The following AATF variants were observed in gnomAD, a reference collection of about 807,000 sequenced individuals.
The protein encoded by AATF is protein AATF.
Under a neutral mutation model 63.7 loss-of-function variants are expected in AATF, and 48 were observed. The ratio of observed to expected loss-of-function variants is 0.75; its 90% CI spans 0.60 to 0.96. The LOEUF (loss-of-function observed/expected upper bound fraction) is 0.96. Ranked by LOEUF, AATF falls within the 40% of genes least tolerant of loss-of-function variation. The probability of loss-of-function intolerance (pLI) is 0.00; values close to 1 mark genes in which losing one functional copy is unlikely to be tolerated. For synonymous variants in AATF, 258 were observed against 247.7 expected, an observed-to-expected ratio of 1.04 and a Z score of -0.39; for missense variants, 639 against 685.7, an observed-to-expected ratio of 0.93 and a Z score of 0.76.
intron 4 of AATF, among the ~76,000 whole-genome samples, chr17:36,967,337 T>C (rs2070999075): frequency 6.6e-6 from 1 of 152,222 alleles, no homozygotes; most frequent in Admixed American, 6.5e-5. Context: ...ACTATGATTA[T>C]TTTCCTTTCC....
intron 8 of AATF, among the ~76,000 whole-genome samples, chr17:37,004,682 T>C (rs2071328906): frequency 6.6e-6 from 1 of 152,086 alleles, no homozygotes; most frequent in South Asian, 2.1e-4. Flanking sequence ...GTATTTCTTA[T>C]GAATGAAGGA....
chr17:37,043,410 C>G (rs1312188550), intron 11 of AATF, among the ~76,000 whole-genome samples: 1 of 152,126 alleles, frequency 6.6e-6, no homozygotes, highest in Non-Finnish European at 1.5e-5. Flanking sequence ...AGGTCACCAG[C>G]CTTTCTAGGG....
At chr17:36,983,954 C>T (rs1337402012) in intron 4 of AATF, among the ~76,000 whole-genome samples, 1 of 152,132 alleles carries the variant, frequency 6.6e-6, no homozygotes, top group Non-Finnish European at 1.5e-5. Context: ...TCAGGCCTGA[C>T]ATTGAAATAG....
chr17:36,994,442 G>A (rs927914057), intron 8 of AATF, among the ~76,000 whole-genome samples: 2 of 152,112 alleles, frequency 1.3e-5, no homozygotes, highest in Non-Finnish European at 2.9e-5. Context: ...TTTTGTTACC[G>A]GTTTGTTTGG....
chr17:37,029,643 G>T (rs1001974199), intron 10 of AATF, among the ~76,000 whole-genome samples: 4 of 152,022 alleles, frequency 2.6e-5, no homozygotes, highest in African/African-American at 9.7e-5. Flanking sequence ...TCGATTCACT[G>T]CATCCTCCAT....
intron 8 of AATF, among the ~76,000 whole-genome samples, chr17:37,014,267 G>GTAATAA (rs71368437): frequency 0.031 from 4,476 of 145,034 alleles, 117 homozygotes; most frequent in African/African-American, 0.069. Context: ...GACTGTCTTA[G>GTAATAA]TAATAATAAT....
intron 5 of AATF, among the ~76,000 whole-genome samples, chr17:36,987,153 ATT>A (rs11286976): frequency 8.2e-4 from 100 of 121,308 alleles, no homozygotes; most frequent in Middle Eastern, 4.5e-3. Flanking sequence ...ATGCCTGGCT[ATT>A]TTTTTTTTTT....
intron 11 of AATF, chr17:37,045,913 C>T (rs9894479): frequency 0.055 from 8,390 of 152,238 alleles, 360 homozygotes; most frequent in African/African-American, 0.11. Flanking sequence ...AGGACAGATG[C>T]TCCTTTTGCT....
In AATF at chr17:37,019,603, T is replaced by A. The variant is rs1188890004; in HGVS notation, c.1466+531T>A. Among the ~76,000 whole-genome samples, 3 of 152,194 alleles carry A rather than the reference T, an allele frequency of 2.0e-5. No homozygotes were observed. In the East Asian group the frequency reaches 5.8e-4, roughly 29 times the overall value. ...GGAAGGCCCTTGTGTGTATGCTTCA[T>A]CCTGTGGTTGGAAAATAAAAAGGGC... On this transcript the variant is annotated intron_variant, in intron 9 of 11. Coordinates refer to ENST00000619387, the MANE Select transcript of AATF (RefSeq NM_012138.4).
In AATF at chr17:36,961,103, A is replaced by G. The variant is rs77963640; in HGVS notation, c.832+7196A>G. Among the ~76,000 whole-genome samples, 44 of 152,336 alleles carry G rather than the reference A, an allele frequency of 2.9e-4. No homozygotes were observed. In the East Asian group the frequency reaches 7.5e-3, roughly 26 times the overall value. On this transcript the variant is annotated intron_variant, in intron 4 of 11. Coordinates refer to ENST00000619387, the MANE Select transcript of AATF (RefSeq NM_012138.4). ...ATCATATAAGTATGTACTATTTTCA[A>G]GCTTATTTTTCCTACTTAATATTTC...
chr17:37,002,609 T>C (rs1349121703), intron 8 of AATF, among the ~76,000 whole-genome samples: 3 of 151,562 alleles, frequency 2.0e-5, no homozygotes, highest in Non-Finnish European at 2.9e-5. Context: ...GAGGCGGAGC[T>C]TGCAGTGAGC....
At position 36,988,727 on chromosome 17, in the gene AATF, G is replaced by A. The variant is rs764244729; in HGVS notation, c.1149+7G>A. The stretch of plus-strand genomic sequence containing the variant: ...TTCTGGAAAACTGGGGAAGGCAAGT[G>A]TGTGTATGCGCGCATGTATGTGTAA... On this transcript the variant is annotated splice_region_variant and intron_variant, in intron 6 of 11. Coordinates refer to ENST00000619387, the MANE Select transcript of AATF (RefSeq NM_012138.4). 1.2e-6 allele frequency: 2 copies of A among 1,613,394 alleles called. No homozygotes were observed. The highest frequency in any genetic ancestry group is 2.7e-5 in the African/African-American group (2 of 75,040).
intron 4 of AATF, among the ~76,000 whole-genome samples, chr17:36,979,358 G>C (rs572625808): frequency 8.5e-5 from 13 of 152,274 alleles, no homozygotes; most frequent in African/African-American, 2.4e-4. Context: ...GCAAAGCAAA[G>C]GATTTGCTTG....
intron 2 of AATF, among the ~76,000 whole-genome samples, chr17:36,952,484 C>G (rs2070862997): frequency 6.6e-6 from 1 of 152,240 alleles, no homozygotes; most frequent in African/African-American, 2.4e-5. Flanking sequence ...TGGTAATTCT[C>G]TAACACCAGT....
chr17:37,002,907 T>A (rs1410326982), intron 8 of AATF, among the ~76,000 whole-genome samples: 1 of 115,068 alleles, frequency 8.7e-6, no homozygotes, highest in African/African-American at 2.8e-5. Context: ...GTTGCTGTTT[T>A]TTTTTTTTTT....
At chr17:36,954,052 G>A in intron 4 of AATF, 145 bp downstream of exon 4, 1 of 747,080 alleles carries the variant, frequency 1.3e-6, no homozygotes, top group Non-Finnish European at 2.1e-6. Context: ...ATCCCCCTTG[G>A]CTTTCCAAGT....
chr17:36,953,347 G>T (rs748502693), intron 3 of AATF, 51 bp downstream of exon 3: 1 of 1,572,590 alleles, frequency 6.4e-7, no homozygotes, highest in South Asian at 1.2e-5. Flanking sequence ...TCTGCATTTG[G>T]TCTACTTTTC....
chr17:37,012,129 T>G (rs1323331850), intron 8 of AATF, among the ~76,000 whole-genome samples: 1 of 152,110 alleles, frequency 6.6e-6, no homozygotes, highest in Non-Finnish European at 1.5e-5. Flanking sequence ...CTTGGCTCAC[T>G]GCAACTTCCG....
intron 8 of AATF, among the ~76,000 whole-genome samples, chr17:36,997,245 C>T (rs974060433): frequency 9.9e-5 from 15 of 152,152 alleles, no homozygotes; most frequent in Admixed American, 2.6e-4. Context: ...AGTAACATAT[C>T]GGAAAAATGA....
Sources: gnomAD v4.1 joint callset for allele counts (sites outside exome capture counted in the v4.1 genomes callset) on GRCh38, gnomAD v4.1.1 for gene constraint, MANE v1.5 for transcripts, NCBI Gene and HGNC (gene_info 2026-07-23, HGNC 2026-07-21) for gene names.